The following TMEM233 variants were observed in gnomAD, a reference collection of about 807,000 sequenced individuals.
TMEM233 encodes dispanin subfamily B member 2.
In TMEM233, 6 loss-of-function variants were observed where a neutral mutation model predicts 11.2. The ratio of observed to expected loss-of-function variants is 0.54; its 90% CI spans 0.29 to 1.06. The LOEUF (loss-of-function observed/expected upper bound fraction) is 1.06. Ranked by LOEUF, TMEM233 falls within the 50% of genes least tolerant of loss-of-function variation. The pLI is 0.08. For missense variants in TMEM233, 127 were observed against 144.7 expected, an observed-to-expected ratio of 0.88 and a Z score of 0.63; for synonymous variants, 59 against 55.8, an observed-to-expected ratio of 1.06 and a Z score of -0.26.
downstream of TMEM233, among the ~76,000 whole-genome samples, chr12:119,646,527 G>A (rs1292579900): frequency 1.3e-5 from 2 of 152,202 alleles, no homozygotes; most frequent in South Asian, 2.1e-4. Flanking sequence ...CTGGAAGTTC[G>A]TAGAGAGAAT....
chr12:119,613,893 G>A (rs1397597075), intron 1 of TMEM233, among the ~76,000 whole-genome samples: 1 of 152,030 alleles, frequency 6.6e-6, no homozygotes, highest in Non-Finnish European at 1.5e-5. Context: ...GCAGATGCTG[G>A]CCACACGAGA....
intron 2 of TMEM233, among the ~76,000 whole-genome samples, chr12:119,638,557 T>C (rs1366646591): frequency 1.3e-5 from 2 of 152,132 alleles, no homozygotes; most frequent in Non-Finnish European, 2.9e-5. Context: ...CAGGAATTGG[T>C]AGACTGTAGG....
At chr12:119,610,606 C>T (rs1054865038) in intron 1 of TMEM233, among the ~76,000 whole-genome samples, 5 of 152,058 alleles carry the variant, frequency 3.3e-5, no homozygotes, top group Admixed American at 6.6e-5. Context: ...TGAGTTCTCA[C>T]GACATTATGA....
At chr12:119,636,673 A>G (rs923049093) in intron 2 of TMEM233, among the ~76,000 whole-genome samples, 1 of 152,142 alleles carries the variant, frequency 6.6e-6, no homozygotes, top group African/African-American at 2.4e-5. Flanking sequence ...TGCTCTGTGG[A>G]ATTCAGCGGA....
downstream of TMEM233, among the ~76,000 whole-genome samples, chr12:119,646,239 A>G (rs948244585): frequency 6.6e-6 from 1 of 151,994 alleles, no homozygotes; most frequent in African/African-American, 2.4e-5. Flanking sequence ...TTGTATTTTT[A>G]GTAGAGACGG....
downstream of TMEM233, among the ~76,000 whole-genome samples, chr12:119,644,442 A>G (rs1208770486): frequency 6.6e-6 from 1 of 151,694 alleles, no homozygotes; most frequent in Non-Finnish European, 1.5e-5. Context: ...TTCCATATGC[A>G]GGGCAAAGTA....
chr12:119,647,209 CT>C (rs527961545), downstream of TMEM233, among the ~76,000 whole-genome samples: 698 of 152,250 alleles, frequency 4.6e-3, 3 homozygotes, highest in African/African-American at 0.016. Context: ...AAAATCCAAA[CT>C]TTTTTTGTGT....
intron 1 of TMEM233, among the ~76,000 whole-genome samples, chr12:119,622,530 G>A (rs982138385): frequency 6.6e-5 from 10 of 152,040 alleles, no homozygotes; most frequent in South Asian, 2.1e-4. Context: ...CATTTCCACC[G>A]CTTCAGTCTG....
intron 1 of TMEM233, among the ~76,000 whole-genome samples, chr12:119,618,958 A>G (rs1471970455): frequency 6.8e-6 from 1 of 147,296 alleles, no homozygotes; most frequent in African/African-American, 2.7e-5. Context: ...CAGTGTCCTC[A>G]CCCAAATCTC....
At chr12:119,605,034 C>G (rs1372259634) in intron 1 of TMEM233, among the ~76,000 whole-genome samples, 2 of 148,450 alleles carry the variant, frequency 1.3e-5, no homozygotes, top group East Asian at 3.9e-4. Context: ...AATTCAGAAA[C>G]TTGTCTTTCT....
At chr12:119,646,369 T>C (rs1955152974), downstream of TMEM233, among the ~76,000 whole-genome samples, 1 of 152,180 alleles carries the variant, frequency 6.6e-6, no homozygotes, top group African/African-American at 2.4e-5. Flanking sequence ...TACAGTAGCT[T>C]TCTTACAGGG....
intron 2 of TMEM233, among the ~76,000 whole-genome samples, chr12:119,640,369 G>C (rs1187465207): frequency 6.6e-6 from 1 of 152,012 alleles, no homozygotes; most frequent in African/African-American, 2.4e-5. Context: ...TGTTAGCCAG[G>C]ATGGTCTCTA....
intron 2 of TMEM233, among the ~76,000 whole-genome samples, chr12:119,632,193 A>T (rs1488900861): frequency 1.3e-5 from 2 of 152,190 alleles, no homozygotes; most frequent in East Asian, 3.8e-4. Context: ...AACATTAATT[A>T]ATCCTCATTG....
Position 119,595,492 on chromosome 12 carries a change from GCGTGCAGCCGCTGA to G in TMEM233, c.186+1459_186+1472del, listed in dbSNP as rs1156899498. Among the ~76,000 whole-genome samples, 1 of 152,236 alleles carries G rather than the reference GCGTGCAGCCGCTGA, an allele frequency of 6.6e-6. No homozygotes were observed. The highest frequency in any genetic ancestry group is 2.4e-5 in the African/African-American group (1 of 41,460). Reference sequence around the variant, plus strand: ...GGACAGCGTCTGCACCGATATGAAAGCGTGCAGCCGCTGAAGTTCAGACAAGTCTGTATTCAAAT... The same window carrying G: ...GGACAGCGTCTGCACCGATATGAAAGAGTTCAGACAAGTCTGTATTCAAAT... On this transcript the variant is annotated intron_variant, in intron 1 of 2. Coordinates refer to ENST00000426426, the MANE Select transcript of TMEM233 (RefSeq NM_001136534.3). The surrounding 1 kb of genome is among the most constrained non-coding windows in gnomAD (Gnocchi z 4.3).
At position 119,593,910 on chromosome 12, in the gene TMEM233, A is replaced by G. The variant is rs1593267955; in HGVS notation, c.62A>G (p.Asn21Ser). Residue 21 changes from asparagine (N) to serine (S), a missense_variant, in exon 1 of 3, where the codon AAC (asparagine) becomes AGC (serine). Coordinates refer to ENST00000426426, the MANE Select transcript of TMEM233 (RefSeq NM_001136534.3). The surrounding 1 kb of genome is among the most constrained non-coding windows in gnomAD (Gnocchi z 4.1). ...GCTTTGGACAGCAGTCCCGAGGCCA[A>G]CACTGAAGATGACAAGACCGAGGAG... ...KRALDSSPEA[N>S]TEDDKTEEDV... 6.4e-7 allele frequency: 1 copy of G among 1,551,752 alleles called. No homozygotes were observed.
chr12:119,605,865 C>T (rs1316641979), intron 1 of TMEM233, among the ~76,000 whole-genome samples: 4 of 152,078 alleles, frequency 2.6e-5, no homozygotes, highest in Admixed American at 6.5e-5. Context: ...TAGCTTTTGG[C>T]TCTAACCATA....
Position 119,595,264 on chromosome 12 carries a change from G to C in TMEM233, c.186+1230G>C, listed in dbSNP as rs1404152493. 6.6e-6 allele frequency among the ~76,000 whole-genome samples: 1 copy of C among 152,150 alleles called. No homozygotes were observed. Among genetic ancestry groups the C allele is most frequent in the African/African-American group, 2.4e-5 (1 of 41,434 alleles). On this transcript the variant is annotated intron_variant, in intron 1 of 2. Transcript: ENST00000426426. The surrounding 1 kb of genome is among the most constrained non-coding windows in gnomAD (Gnocchi z 4.3). Reference sequence around the variant, plus strand: ...TGCAGTTGCGCTCCCTCCCCCACCGGCTCACCTCGCCTGCAGCTGGGCCAC... The same window carrying C: ...TGCAGTTGCGCTCCCTCCCCCACCGCCTCACCTCGCCTGCAGCTGGGCCAC...
intron 1 of TMEM233, among the ~76,000 whole-genome samples, chr12:119,610,701 T>C (rs149098346): frequency 5.0e-4 from 76 of 152,328 alleles, no homozygotes; most frequent in Admixed American, 9.8e-4. Flanking sequence ...TCCACCATGA[T>C]TGTAAGTTTC....
chr12:119,620,518 A>G (rs774243929), intron 1 of TMEM233, among the ~76,000 whole-genome samples: 28 of 152,234 alleles, frequency 1.8e-4, no homozygotes, highest in Non-Finnish European at 3.1e-4. Context: ...CTAAATGTCT[A>G]TAGTTATAGG....
Sources: allele counts gnomAD v4.1 joint callset (sites outside exome capture counted in the v4.1 genomes callset), GRCh38; gene constraint gnomAD v4.1.1; non-coding constraint Gnocchi (gnomAD v3.1); transcripts MANE v1.5; gene names NCBI Gene and HGNC (gene_info 2026-07-23, HGNC 2026-07-21).